The following FSTL5 variants were observed in gnomAD, a reference collection of about 807,000 sequenced individuals.
The protein encoded by FSTL5 is follistatin-related protein 5.
Under a neutral mutation model 89.1 loss-of-function variants are expected in FSTL5, and 62 were observed. That is an observed-to-expected ratio of 0.70 (90% CI 0.57 to 0.86). The LOEUF is 0.86. Among genes scored for constraint, FSTL5 ranks in the 40% least tolerant of loss-of-function variants. FSTL5 has a pLI of 0.00. For missense variants in FSTL5, 1,057 were observed against 1,001.6 expected (o/e 1.06, Z -0.75); for synonymous variants, 383 against 346.2 (o/e 1.11, Z -1.18).
At chr4:162,129,753 T>G (rs1732224964) in intron 1 of FSTL5, among the ~76,000 whole-genome samples, 2 of 152,358 alleles carry the variant, frequency 1.3e-5, no homozygotes, top group Non-Finnish European at 2.9e-5. Flanking sequence ...TTATTCTGTC[T>G]GTTTTATGCA....
chr4:161,775,988 C>T lies in FSTL5; in HGVS notation c.496G>A (p.Glu166Lys). The T allele has an allele frequency of 1.9e-6, 3 of 1,598,002 alleles. No individual in the cohort carries two copies. Among genetic ancestry groups the T allele is most frequent in the Non-Finnish European group, 2.6e-6 (3 of 1,168,408 alleles). ...GATATGTCGTCGCCATTAGGATTTTCATTTTCTTGCATAATATATTTTTGA... is the reference window on the plus strand; with the variant it reads ...GATATGTCGTCGCCATTAGGATTTTTATTTTCTTGCATAATATATTTTTGA... Reference protein sequence around the residue: ...QNQKYIMQENENPNGDDISRK... With the variant: ...QNQKYIMQENKNPNGDDISRK... The change falls in exon 5 of 16, where the codon GAA becomes AAA. Residue 166 changes from glutamate (E) to lysine (K), a missense_variant. Physicochemically the swap from Glu to Lys is moderately conservative, Grantham distance 56. Transcript: ENST00000306100.
intron 2 of FSTL5, among the ~76,000 whole-genome samples, chr4:162,098,573 T>C (rs1730861019): frequency 1.3e-5 from 2 of 151,990 alleles, no homozygotes; most frequent in South Asian, 4.1e-4. Flanking sequence ...AATAAACTGA[T>C]TCTTAGTTTA....
At chr4:161,426,034 G>A (rs1002423682) in intron 15 of FSTL5, among the ~76,000 whole-genome samples, 18 of 151,636 alleles carry the variant, frequency 1.2e-4, no homozygotes, top group African/African-American at 4.4e-4. Context: ...TGGAAAATAT[G>A]CTTAATGAAA....
chr4:161,589,064 C>A (rs1733719931), intron 7 of FSTL5, among the ~76,000 whole-genome samples: 1 of 150,534 alleles, frequency 6.6e-6, no homozygotes, highest in Non-Finnish European at 1.5e-5. Context: ...TCTTGGCTCA[C>A]TGCAATCTCT....
intron 12 of FSTL5, among the ~76,000 whole-genome samples, chr4:161,493,052 T>G (rs1188493076): frequency 6.6e-6 from 1 of 151,928 alleles, no homozygotes. Context: ...ACTGTTAAAT[T>G]GAAATTGTGA....
chr4:161,509,424 A>G (rs1301937329), intron 11 of FSTL5, among the ~76,000 whole-genome samples: 1 of 152,228 alleles, frequency 6.6e-6, no homozygotes, highest in African/African-American at 2.4e-5. Flanking sequence ...GGGTATAGTT[A>G]TACCAGAATT....
At position 161,786,798 on chromosome 4, in the gene FSTL5, A is replaced by C. The variant is rs1454816545; in HGVS notation, c.410-10724T>G. On this transcript the variant is annotated intron_variant, in intron 4 of 15. Transcript: ENST00000306100. ...ATGAAATTTCAAACACCTCCTATAC[A>C]AATACTATGTATTAAGAACCTCTGG... 2.0e-5 allele frequency among the ~76,000 whole-genome samples: 3 copies of C among 152,114 alleles called. No individual in the cohort carries two copies. The East Asian group carries it at 5.8e-4, about 29-fold the overall frequency.
chr4:161,760,192 T>C (rs1740736643), intron 5 of FSTL5, among the ~76,000 whole-genome samples: 1 of 152,214 alleles, frequency 6.6e-6, no homozygotes, highest in Non-Finnish European at 1.5e-5. Flanking sequence ...ACTTCTATTC[T>C]AGTCTGTGCT....
chr4:162,039,837 A>G (rs905378664), intron 2 of FSTL5, among the ~76,000 whole-genome samples: 11 of 152,016 alleles, frequency 7.2e-5, no homozygotes, highest in Non-Finnish European at 1.5e-4. Context: ...TGTTCTAGCT[A>G]AAGTAATATT....
At chr4:161,937,346 C>T (rs780146157) in intron 3 of FSTL5, among the ~76,000 whole-genome samples, 31 of 151,988 alleles carry the variant, frequency 2.0e-4, no homozygotes, top group Non-Finnish European at 4.4e-4. Flanking sequence ...GGAAGGAAAA[C>T]AGATGGTAGG....
intron 3 of FSTL5, among the ~76,000 whole-genome samples, chr4:162,009,516 C>T (rs1320919105): frequency 6.6e-6 from 1 of 151,862 alleles, no homozygotes; most frequent in Non-Finnish European, 1.5e-5. Context: ...ATAAAATATG[C>T]CACCCCAAAA....
At chr4:161,666,599 A>G (rs1000011446) in intron 6 of FSTL5, among the ~76,000 whole-genome samples, 1 of 152,174 alleles carries the variant, frequency 6.6e-6, no homozygotes, top group East Asian at 1.9e-4. Flanking sequence ...TTATAAAGCG[A>G]TAACAGAAGT....
At chr4:162,033,546 A>G in intron 3 of FSTL5, 79 bp downstream of exon 3, 1 of 726,142 alleles carries the variant, frequency 1.4e-6, no homozygotes, top group Non-Finnish European at 2.2e-6. Flanking sequence ...TTGACTTTTT[A>G]TTCAAAGTAG....
At chr4:161,587,670 A>G (rs1321991487) in intron 7 of FSTL5, 95 bp from the exon 8 acceptor site, 1 of 836,538 alleles carries the variant, frequency 1.2e-6, no homozygotes, top group Non-Finnish European at 1.8e-6. Flanking sequence ...AAACAAATAG[A>G]CTCAAATATT....
chr4:161,488,924 G>A (rs545517573), intron 12 of FSTL5, among the ~76,000 whole-genome samples: 14 of 152,154 alleles, frequency 9.2e-5, no homozygotes, highest in Admixed American at 3.3e-4. Flanking sequence ...TCTATCTGGC[G>A]TTTGGCAGTC....
intron 3 of FSTL5, among the ~76,000 whole-genome samples, chr4:161,976,727 C>A (rs1048478134): frequency 4.6e-5 from 7 of 152,096 alleles, no homozygotes; most frequent in Admixed American, 2.6e-4. Flanking sequence ...GTGATCCACC[C>A]GCCTCAGCCT....
rs889325773 is a variant in FSTL5, at chr4:162,163,927, C to G, written c.-329G>C. 2 of 152,280 alleles carry G rather than the reference C, an allele frequency of 1.3e-5. No homozygotes were observed. Among genetic ancestry groups the G allele is most frequent in the African/African-American group, 4.8e-5 (2 of 41,412 alleles). The allele number at this position is 152,280 out of a possible 1,614,324, so 9.4% of individuals were successfully genotyped here. A position where few individuals can be genotyped will look rare whatever the true frequency, so the allele number is the denominator to read the frequency against. On this transcript the variant is annotated 5_prime_UTR_variant, in exon 1 of 16. Coordinates refer to ENST00000306100, the MANE Select transcript of FSTL5 (RefSeq NM_020116.5). Reference sequence around the variant, plus strand: ...CAGGTGCTGGAGCAACTGGTCCGCTCGCGTCTCAGGTTCAGCACCGACAGC... The same window carrying G: ...CAGGTGCTGGAGCAACTGGTCCGCTGGCGTCTCAGGTTCAGCACCGACAGC...
intron 7 of FSTL5, among the ~76,000 whole-genome samples, chr4:161,610,272 G>T (rs1032229798): frequency 6.6e-6 from 1 of 152,044 alleles, no homozygotes; most frequent in South Asian, 2.1e-4. Flanking sequence ...GTGCCCTGTT[G>T]TATGTGTAAA....
At chr4:161,911,781 A>C (rs1168342431) in intron 4 of FSTL5, among the ~76,000 whole-genome samples, 1 of 152,152 alleles carries the variant, frequency 6.6e-6, no homozygotes, top group Non-Finnish European at 1.5e-5. Context: ...TACTTTTTTA[A>C]ACTTTGCTTA....
Sources: allele counts gnomAD v4.1 joint callset (sites outside exome capture counted in the v4.1 genomes callset), GRCh38; gene constraint gnomAD v4.1.1; transcripts MANE v1.5; gene names NCBI Gene and HGNC (gene_info 2026-07-23, HGNC 2026-07-21).